JAKMIP2: variants seen among roughly 807,000 people sequenced by gnomAD.
The protein encoded by JAKMIP2 is janus kinase and microtubule interacting protein 2, also known as janus kinase and microtubule-interacting protein 2.
Under a neutral mutation model 115.0 loss-of-function variants are expected in JAKMIP2, and 25 were observed. That is an observed-to-expected ratio of 0.22 (90% CI 0.16 to 0.30). The LOEUF is 0.30. Ranked by LOEUF, JAKMIP2 falls within the 10% of genes least tolerant of loss-of-function variation. JAKMIP2 has a pLI of 1.00. For synonymous variants in JAKMIP2, 334 were observed against 343.6 expected (o/e 0.97, Z 0.31); for missense variants, 642 against 957.6 (o/e 0.67, Z 4.35).
chr5:147,703,266 C>T (rs149064821), intron 1 of JAKMIP2, among the ~76,000 whole-genome samples: 1 of 152,164 alleles, frequency 6.6e-6, no homozygotes, highest in African/African-American at 2.4e-5. Context: ...CCTATTGATC[C>T]TAGGCTACAA....
intron 1 of JAKMIP2, among the ~76,000 whole-genome samples, chr5:147,695,675 TGTGA>T (rs1293531922): frequency 6.9e-6 from 1 of 144,208 alleles, no homozygotes; most frequent in African/African-American, 2.6e-5. Context: ...TGTGTGTGTG[TGTGA>T]GAGAGAGAGA....
chr5:147,679,973 G>C (rs1464173312), intron 1 of JAKMIP2, among the ~76,000 whole-genome samples: 1 of 152,136 alleles, frequency 6.6e-6, no homozygotes, highest in Non-Finnish European at 1.5e-5. Context: ...TAACAGTTAA[G>C]AGTTTGGAAT....
intron 3 of JAKMIP2, among the ~76,000 whole-genome samples, chr5:147,659,713 T>C (rs528411747): frequency 6.6e-6 from 1 of 152,332 alleles, no homozygotes; most frequent in South Asian, 2.1e-4. Flanking sequence ...CATCAGTCAC[T>C]GTCGTTTCAA....
At chr5:147,721,716 G>A (rs868122582) in intron 1 of JAKMIP2, among the ~76,000 whole-genome samples, 7 of 152,010 alleles carry the variant, frequency 4.6e-5, no homozygotes, top group Admixed American at 2.0e-4. Context: ...GCTCGCGCAC[G>A]GTGCGCGCAC....
At chr5:147,712,033 T>C (rs949035859) in intron 1 of JAKMIP2, among the ~76,000 whole-genome samples, 1 of 152,244 alleles carries the variant, frequency 6.6e-6, no homozygotes, top group African/African-American at 2.4e-5. Flanking sequence ...CTTAATGCCA[T>C]GTTAGAACAT....
intron 16 of JAKMIP2, among the ~76,000 whole-genome samples, chr5:147,626,530 T>G (rs902629999): frequency 6.6e-6 from 1 of 152,162 alleles, no homozygotes; most frequent in Non-Finnish European, 1.5e-5. Context: ...TGTGTGACCT[T>G]AGGCAGTTAT....
At position 147,635,506 on chromosome 5, in the gene JAKMIP2, C is replaced by A. The variant is rs1008946120; in HGVS notation, c.1677+716G>T. 3.3e-5 allele frequency among the ~76,000 whole-genome samples: 5 copies of A among 152,122 alleles called. No individual in the cohort carries two copies. The East Asian group carries it at 9.7e-4, about 29-fold the overall frequency. ...TTCGGCATGGTCTTGGAGTCATACTCTGTCACTTCTTCTCACAAAATAACA... is the reference window on the plus strand; with the variant it reads ...TTCGGCATGGTCTTGGAGTCATACTATGTCACTTCTTCTCACAAAATAACA... On this transcript the variant is annotated intron_variant, in intron 12 of 21. Transcript: ENST00000616793.
intron 20 of JAKMIP2, among the ~76,000 whole-genome samples, chr5:147,609,580 C>T (rs562754338): frequency 6.6e-6 from 1 of 152,200 alleles, no homozygotes; most frequent in South Asian, 2.1e-4. Context: ...GTGGGTAACC[C>T]GCCCTTTCTC....
intron 1 of JAKMIP2, among the ~76,000 whole-genome samples, chr5:147,764,272 T>A (rs560198785): frequency 6.6e-6 from 1 of 152,208 alleles, no homozygotes; most frequent in Admixed American, 6.5e-5. Flanking sequence ...GGAATCTCGA[T>A]GTTCCAATGA....
chr5:147,596,036 A>G (rs1755371122), intron 21 of JAKMIP2, among the ~76,000 whole-genome samples: 1 of 152,178 alleles, frequency 6.6e-6, no homozygotes, highest in Admixed American at 6.5e-5. Flanking sequence ...TTAAAGCAGA[A>G]GGGAAGCATT....
intron 1 of JAKMIP2, among the ~76,000 whole-genome samples, chr5:147,687,308 C>G (rs1760619443): frequency 6.6e-6 from 1 of 152,164 alleles, no homozygotes; most frequent in South Asian, 2.1e-4. Flanking sequence ...TATGAATCCT[C>G]TCTACAACTC....
chr5:147,628,746 A>T lies in JAKMIP2; in HGVS notation c.1995+5T>A, dbSNP rs1347403431. ...ATGATTTGAAATGTTTGTACGGCTC[A>T]TTACCTTCTCTGCCAGGGACAGCAC... On this transcript the variant is annotated splice_donor_5th_base_variant and intron_variant, in intron 16 of 21. Coordinates refer to ENST00000616793, the MANE Select transcript of JAKMIP2 (RefSeq NM_001270941.2). The T allele has an allele frequency of 6.2e-7, 1 of 1,610,942 alleles. No homozygotes were observed. The highest frequency in any genetic ancestry group is 1.7e-5 in the Admixed American group (1 of 59,962).
chr5:147,638,650 C>T (rs1252455110), intron 10 of JAKMIP2, among the ~76,000 whole-genome samples: 1 of 151,806 alleles, frequency 6.6e-6, no homozygotes, highest in Non-Finnish European at 1.5e-5. Context: ...CTCCTCAGTG[C>T]ATTGTAGACC....
intron 1 of JAKMIP2, among the ~76,000 whole-genome samples, chr5:147,730,679 C>A (rs1025648319): frequency 1.3e-5 from 2 of 152,158 alleles, no homozygotes; most frequent in Admixed American, 6.5e-5. Flanking sequence ...TGGTCTTGAA[C>A]TCCTGACCTC....
chr5:147,727,986 A>G (rs59853509), intron 1 of JAKMIP2, among the ~76,000 whole-genome samples: 20,253 of 152,046 alleles, frequency 0.13, 1,989 homozygotes, highest in East Asian at 0.37. Context: ...AAAAACGTCT[A>G]TTTTCCTCAT....
chr5:147,617,800 A>G, intron 19 of JAKMIP2, 111 bp downstream of exon 19: 1 of 749,794 alleles, frequency 1.3e-6, no homozygotes, highest in Non-Finnish European at 2.2e-6. Flanking sequence ...CTCTCTGAAA[A>G]TAACTTGTAT....
At chr5:147,689,351 C>A (rs1437913896) in intron 1 of JAKMIP2, among the ~76,000 whole-genome samples, 2 of 152,084 alleles carry the variant, frequency 1.3e-5, no homozygotes, top group African/African-American at 4.8e-5. Flanking sequence ...GGGGCAGTGC[C>A]CTGATCTGAC....
intron 20 of JAKMIP2, among the ~76,000 whole-genome samples, chr5:147,610,495 G>A (rs371027885): frequency 3.9e-5 from 6 of 152,164 alleles, no homozygotes; most frequent in Non-Finnish European, 7.3e-5. Flanking sequence ...TCTGTTTGCC[G>A]GTTATCACCA....
rs1754883276 is a variant in JAKMIP2 at position 147,586,696 on chromosome 5, T to C, written c.*5011A>G. On this transcript the variant is annotated 3_prime_UTR_variant, in exon 22 of 22. Coordinates refer to ENST00000616793, the MANE Select transcript of JAKMIP2 (RefSeq NM_001270941.2). ...TAGGAAATTATAATCCTATTTTTGC[T>C]ACATTGCCCCTATAAGTATATCTTT... The C allele has an allele frequency of 6.6e-6, 1 of 151,974 alleles. No individual in the cohort carries two copies. The highest frequency in any genetic ancestry group is 6.6e-5 in the Admixed American group (1 of 15,244). 9.4% of individuals were successfully genotyped at this position (151,974 alleles called of 1,614,324 possible).
Sources: allele counts gnomAD v4.1 joint callset (sites outside exome capture counted in the v4.1 genomes callset), GRCh38; gene constraint gnomAD v4.1.1; transcripts MANE v1.5; gene names NCBI Gene and HGNC (gene_info 2026-07-23, HGNC 2026-07-21).